CUX1: variants seen among roughly 807,000 people sequenced by gnomAD.
CUX1 encodes protein CASP.
Under a neutral mutation model 158.8 loss-of-function variants are expected in CUX1, and 31 were observed. That is an observed-to-expected ratio of 0.20 (90% CI 0.15 to 0.26). The LOEUF is 0.26. Ranked by LOEUF, CUX1 falls within the 10% of genes least tolerant of loss-of-function variation. CUX1 has a pLI of 1.00. For missense variants in CUX1, 1,589 were observed against 2,014.6 expected (o/e 0.79, Z 4.04); for synonymous variants, 879 against 862.1 (o/e 1.02, Z -0.34).
At chr7:101,854,838 G>A (rs1796614423) in intron 1 of CUX1, among the ~76,000 whole-genome samples, 1 of 152,164 alleles carries the variant, frequency 6.6e-6, no homozygotes, top group African/African-American at 2.4e-5. Flanking sequence ...TCCGCCTCCT[G>A]GGTTCAAGCG....
At chr7:101,835,985 C>G (rs769607212) in intron 1 of CUX1, among the ~76,000 whole-genome samples, 1 of 152,238 alleles carries the variant, frequency 6.6e-6, no homozygotes, top group African/African-American at 2.4e-5. Flanking sequence ...CACCTGGCCT[C>G]CCAAAGTGCT....
intron 8 of CUX1, chr7:102,153,415 A>T (rs1454457207): frequency 6.6e-6 from 1 of 152,368 alleles, no homozygotes; most frequent in East Asian, 1.9e-4. Flanking sequence ...ACCCCCAGGC[A>T]GCCACGCCTC....
At chr7:102,134,565 C>T (rs183924285) in intron 8 of CUX1, among the ~76,000 whole-genome samples, 2 of 152,252 alleles carry the variant, frequency 1.3e-5, no homozygotes, top group Admixed American at 6.5e-5. Context: ...GATCCTCCTC[C>T]GTCTTTCCCC....
intron 21 of CUX1, among the ~76,000 whole-genome samples, chr7:102,229,415 G>A (rs539427065): frequency 3.9e-4 from 59 of 150,868 alleles, no homozygotes; most frequent in Non-Finnish European, 7.5e-4. Flanking sequence ...GGGTTCACGC[G>A]ATTCTCCTGC....
intron 2 of CUX1, among the ~76,000 whole-genome samples, chr7:101,990,850 T>TC (rs1815018804): frequency 6.6e-6 from 1 of 152,172 alleles, no homozygotes; most frequent in African/African-American, 2.4e-5. Context: ...TCTGTGATTC[T>TC]CCCCTGGCTC....
chr7:102,277,884 G>A lies in CUX1; in HGVS notation c.1564-65G>A, dbSNP rs1586531362. On this transcript the variant is annotated intron_variant, in intron 17 of 22. Coordinates refer to the CUX1 transcript ENST00000292538. ...GGCACAGAAGGGGCTCCAGGTAGAC[G>A]GAGCAGCACCTGTGCCAGCACGGAG... 1.5e-5 allele frequency: 15 copies of A among 996,130 alleles called. No individual in the cohort carries two copies. The East Asian group carries it at 2.3e-4, about 15-fold the overall frequency. 61.7% of individuals were successfully genotyped at this position (996,130 alleles called of 1,614,324 possible).
chr7:102,192,905 C>G (rs782221338), intron 12 of CUX1, among the ~76,000 whole-genome samples: 1 of 152,240 alleles, frequency 6.6e-6, no homozygotes, highest in Non-Finnish European at 1.5e-5. Context: ...AAAAGGAACT[C>G]AAGAAACAGT....
intron 8 of CUX1, among the ~76,000 whole-genome samples, chr7:102,157,420 G>C (rs955363726): frequency 1.3e-5 from 2 of 152,154 alleles, no homozygotes; most frequent in African/African-American, 4.8e-5. Context: ...CATTGGGGTG[G>C]TGGTCTGCCC....
At chr7:101,872,419 C>T (rs1018414533) in intron 1 of CUX1, among the ~76,000 whole-genome samples, 2 of 152,178 alleles carry the variant, frequency 1.3e-5, no homozygotes, top group East Asian at 1.9e-4. Context: ...CAGGCATGAG[C>T]CACCGCGCCC....
intron 1 of CUX1, among the ~76,000 whole-genome samples, chr7:101,852,624 T>C (rs1488394085): frequency 1.5e-4 from 21 of 143,908 alleles, no homozygotes; most frequent in Non-Finnish European, 2.9e-4. Flanking sequence ...TTGCAACAAA[T>C]AAAAAAATTT....
At chr7:102,001,059 A>G (rs944082080) in intron 2 of CUX1, among the ~76,000 whole-genome samples, 19 of 152,000 alleles carry the variant, frequency 1.3e-4, no homozygotes, top group African/African-American at 3.9e-4. Flanking sequence ...GATTACAGGC[A>G]TGAGTCACCA....
chr7:101,829,735 G>A (rs573323628), intron 1 of CUX1, among the ~76,000 whole-genome samples: 33 of 152,162 alleles, frequency 2.2e-4, no homozygotes, highest in Non-Finnish European at 4.0e-4. Flanking sequence ...CCTGGCTGGA[G>A]CCTTGCCCTG....
chr7:102,260,079 A>C (rs1375171553), downstream of CUX1, among the ~76,000 whole-genome samples: 1 of 139,388 alleles, frequency 7.2e-6, no homozygotes, highest in Admixed American at 7.7e-5. Flanking sequence ...TGGGCAACAC[A>C]GCAAGACCCT....
At chr7:102,221,290 G>A (rs1441715197) in intron 20 of CUX1, among the ~76,000 whole-genome samples, 5 of 152,196 alleles carry the variant, frequency 3.3e-5, no homozygotes, top group Admixed American at 6.5e-5. Context: ...TGCACAGTTC[G>A]CCTTATGGCA....
At chr7:102,082,127 C>T (rs1827484216) in intron 4 of CUX1, among the ~76,000 whole-genome samples, 1 of 147,236 alleles carries the variant, frequency 6.8e-6, no homozygotes, top group African/African-American at 2.4e-5. Context: ...GTCTCTGTCA[C>T]CTCACTGCAC....
At chr7:102,151,833 A>T (rs530616009) in intron 8 of CUX1, among the ~76,000 whole-genome samples, 6 of 150,700 alleles carry the variant, frequency 4.0e-5, no homozygotes, top group African/African-American at 1.5e-4. Flanking sequence ...CCACACTCAC[A>T]TCTTCCAAAG....
At chr7:102,126,112 C>A (rs2099716641) in intron 8 of CUX1, among the ~76,000 whole-genome samples, 1 of 151,828 alleles carries the variant, frequency 6.6e-6, no homozygotes, top group Non-Finnish European at 1.5e-5. Context: ...CTCTTGGGTT[C>A]AAGCGATTCT....
downstream of CUX1, among the ~76,000 whole-genome samples, chr7:102,263,067 G>A (rs1357818084): frequency 2.7e-5 from 4 of 147,074 alleles, no homozygotes; most frequent in African/African-American, 1.0e-4. Context: ...AGGCTGGAGT[G>A]CAGTGGCGTG....
chr7:101,932,426 C>T (rs1806393447), intron 2 of CUX1: 2 of 363,408 alleles, frequency 5.5e-6, no homozygotes, highest in Admixed American at 3.3e-5. Context: ...ACCAGGAATA[C>T]GCGCAGAGAT....
Sources: allele counts gnomAD v4.1 joint callset (sites outside exome capture counted in the v4.1 genomes callset), GRCh38; gene constraint gnomAD v4.1.1; transcripts MANE v1.5; gene names NCBI Gene and HGNC (gene_info 2026-07-23, HGNC 2026-07-21).